Variants in RANBP2 observed in about 807,000 individuals in gnomAD.
The protein encoded by RANBP2 is E3 SUMO-protein ligase RanBP2.
In RANBP2, 57 loss-of-function variants were observed where a neutral mutation model predicts 303.6. The ratio of observed to expected loss-of-function variants is 0.19; its 90% CI spans 0.15 to 0.23. The LOEUF (loss-of-function observed/expected upper bound fraction) is 0.23, where lower values mean the gene tolerates loss of function less well. Ranked by LOEUF, RANBP2 falls within the 10% of genes least tolerant of loss-of-function variation. The pLI is 1.00. For missense variants in RANBP2, 3,138 were observed against 3,780.8 expected, an observed-to-expected ratio of 0.83 and a Z score of 4.46; for synonymous variants, 1,167 against 1,301.5, an observed-to-expected ratio of 0.90 and a Z score of 2.23.
At chr2:109,399,070 G>C in the RANBP2 span, 1 of 1,138,146 alleles carries the variant, frequency 8.8e-7, no homozygotes, top group Non-Finnish European at 1.2e-6. Context: ...TTGGGGTTGA[G>C]TGGGGTTTGC....
the RANBP2 span, among the ~76,000 whole-genome samples, chr2:109,509,941 G>A: frequency 3.3e-5 from 5 of 152,150 alleles, no homozygotes; most frequent in African/African-American, 1.2e-4. Flanking sequence ...AAATACTATA[G>A]GGCAAAGTAC....
the RANBP2 span, among the ~76,000 whole-genome samples, chr2:109,249,519 T>TTCTTTCTTTCTTTCTTTC: frequency 4.7e-4 from 29 of 61,920 alleles, 1 homozygote; most frequent in South Asian, 1.2e-3. Context: ...CATTCTTTCT[T>TTCTTTCTTTCTTTCTTTC]TTTCTTTCTT....
chr2:109,529,892 A>C, the RANBP2 span, among the ~76,000 whole-genome samples: 1 of 152,116 alleles, frequency 6.6e-6, no homozygotes, highest in Non-Finnish European at 1.5e-5. Flanking sequence ...AAATCATCCC[A>C]CATTCTCCCC....
At chr2:109,670,241 C>A in the RANBP2 span, among the ~76,000 whole-genome samples, 39 of 151,718 alleles carry the variant, frequency 2.6e-4, no homozygotes, top group Admixed American at 1.5e-3. Context: ...GAGACAAAAA[C>A]CTCTAGGCCT....
chr2:109,161,092 C>G, the RANBP2 span, among the ~76,000 whole-genome samples: 1 of 152,168 alleles, frequency 6.6e-6, no homozygotes. Context: ...ATCGACTGTT[C>G]ATTTAGAAGA....
chr2:109,244,387 A>C, the RANBP2 span, among the ~76,000 whole-genome samples: 1 of 152,242 alleles, frequency 6.6e-6, no homozygotes, highest in Non-Finnish European at 1.5e-5. Context: ...TGGTATTATG[A>C]AAGTAAATAC....
chr2:109,522,761 T>C, the RANBP2 span, among the ~76,000 whole-genome samples: 1 of 152,172 alleles, frequency 6.6e-6, no homozygotes, highest in Non-Finnish European at 1.5e-5. Flanking sequence ...GACACTAATA[T>C]GCTCCTGGGA....
the RANBP2 span, among the ~76,000 whole-genome samples, chr2:109,125,241 T>C: frequency 6.3e-4 from 96 of 152,018 alleles, no homozygotes; most frequent in Non-Finnish European, 5.9e-5. Context: ...CAGAGTGTGG[T>C]GGGGGAGGGG....
the RANBP2 span, among the ~76,000 whole-genome samples, chr2:109,719,769 C>G: frequency 2.0e-5 from 3 of 152,098 alleles, no homozygotes; most frequent in Admixed American, 6.6e-5. Flanking sequence ...CCATAGATAC[C>G]TTAGATCAAC....
the RANBP2 span, among the ~76,000 whole-genome samples, chr2:108,889,542 C>G: frequency 1.3e-5 from 2 of 150,078 alleles, no homozygotes; most frequent in Admixed American, 1.3e-4. Flanking sequence ...ATATAATAAC[C>G]TTTTTTTCTT....
At chr2:108,836,582 G>A in the RANBP2 span, among the ~76,000 whole-genome samples, 4 of 152,114 alleles carry the variant, frequency 2.6e-5, no homozygotes, top group African/African-American at 9.7e-5. Context: ...TTGCTTTACT[G>A]TTCACCATAG....
chr2:109,436,880 T>C, the RANBP2 span: 7 of 1,610,836 alleles, frequency 4.3e-6, no homozygotes, highest in East Asian at 1.6e-4. Context: ...TTCCTTCTGC[T>C]TTCTCTCCAC....
the RANBP2 span, among the ~76,000 whole-genome samples, chr2:109,134,489 T>G: frequency 6.6e-6 from 1 of 152,134 alleles, no homozygotes; most frequent in Non-Finnish European, 1.5e-5. Context: ...ATCTAAATTA[T>G]TATTTATTGA....
chr2:109,712,004 A>T, the RANBP2 span, among the ~76,000 whole-genome samples: 1 of 152,122 alleles, frequency 6.6e-6, no homozygotes, highest in Non-Finnish European at 1.5e-5. Context: ...CTTCCCTGTC[A>T]TCGGGGCTGA....
chr2:109,447,363 C>T, the RANBP2 span, among the ~76,000 whole-genome samples: 5 of 152,170 alleles, frequency 3.3e-5, no homozygotes, highest in Admixed American at 1.3e-4. Context: ...GTATGTCTCA[C>T]GGTGCTACTT....
At chr2:109,179,664 C>T in the RANBP2 span, among the ~76,000 whole-genome samples, 1 of 152,152 alleles carries the variant, frequency 6.6e-6, no homozygotes, top group African/African-American at 2.4e-5. Flanking sequence ...GCTAAGGTCT[C>T]TCTTCCTGTT....
the RANBP2 span, among the ~76,000 whole-genome samples, chr2:109,364,227 T>C: frequency 6.6e-6 from 1 of 151,926 alleles, no homozygotes; most frequent in African/African-American, 2.4e-5. Flanking sequence ...TGAGATATCC[T>C]CAAGCTCAGA....
At chr2:109,297,185 G>T in the RANBP2 span, among the ~76,000 whole-genome samples, 61 of 152,010 alleles carry the variant, frequency 4.0e-4, 4 homozygotes, top group South Asian at 0.012. Context: ...GCCTCTGCAG[G>T]GGGGTGAGTT....
the RANBP2 span, chr2:109,490,950 C>T: frequency 1.4e-6 from 2 of 1,459,014 alleles, no homozygotes; most frequent in Non-Finnish European, 1.8e-6. Context: ...AGTGCAGGGG[C>T]TTGTCTGCTC....
Sources: allele counts gnomAD v4.1 joint callset (sites outside exome capture counted in the v4.1 genomes callset), GRCh38; gene constraint gnomAD v4.1.1; transcripts MANE v1.5; gene names NCBI Gene and HGNC (gene_info 2026-07-23, HGNC 2026-07-21).